ZNF732: variants seen among roughly 807,000 people sequenced by gnomAD.
ZNF732 encodes the protein zinc finger protein LOC654254.
Under a neutral mutation model 11.5 loss-of-function variants are expected in ZNF732, and 12 were observed. That is an observed-to-expected ratio of 1.05 (90% CI 0.67 to 1.70). The LOEUF is 1.70. ZNF732 is among the 40% of genes most tolerant of loss of function. ZNF732 has a pLI of 0.00. For synonymous variants in ZNF732, 231 were observed against 236.5 expected, an observed-to-expected ratio of 0.98 and a Z score of 0.21; for missense variants, 702 against 676.9, an observed-to-expected ratio of 1.04 and a Z score of -0.41.
chr4:287,737 G>A (rs186813674), intron 3 of ZNF732, among the ~76,000 whole-genome samples: 3 of 151,902 alleles, frequency 2.0e-5, no homozygotes, highest in East Asian at 1.9e-4. Context: ...TCCGCCTCCC[G>A]GTTTCACACC....
At chr4:301,044 C>G (rs750205620) in intron 1 of ZNF732, among the ~76,000 whole-genome samples, 1 of 152,120 alleles carries the variant, frequency 6.6e-6, no homozygotes. Context: ...ACCCCATCAA[C>G]AAGTGGGCGA....
intron 1 of ZNF732, among the ~76,000 whole-genome samples, chr4:300,627 A>C (rs1720097706): frequency 6.6e-6 from 1 of 152,164 alleles, no homozygotes; most frequent in African/African-American, 2.4e-5. Flanking sequence ...CTCAGATAAA[A>C]GTTCTGTGCT....
At chr4:277,612 TGTTA>T (rs781990572) in intron 3 of ZNF732, among the ~76,000 whole-genome samples, 7 of 149,876 alleles carry the variant, frequency 4.7e-5, no homozygotes, top group Admixed American at 3.3e-4. Context: ...CAAAAAAAAA[TGTTA>T]GTGAGAATGA....
chr4:295,125 A>G (rs1450479037), intron 3 of ZNF732, among the ~76,000 whole-genome samples: 2 of 152,212 alleles, frequency 1.3e-5, no homozygotes, highest in African/African-American at 2.4e-5. Context: ...AGAGCTCCTC[A>G]ATATACACAT....
intron 3 of ZNF732, among the ~76,000 whole-genome samples, chr4:293,829 T>C (rs1719893950): frequency 6.6e-6 from 1 of 152,100 alleles, no homozygotes; most frequent in African/African-American, 2.4e-5. Context: ...ATATTAAATA[T>C]AGTTATACTA....
At chr4:303,549 G>A (rs1029380528) in intron 1 of ZNF732, among the ~76,000 whole-genome samples, 3 of 152,208 alleles carry the variant, frequency 2.0e-5, no homozygotes, top group Non-Finnish European at 4.4e-5. Context: ...TCGGGAGGTG[G>A]AGGTTGCAGT....
At position 296,170 on chromosome 4, in the gene ZNF732, G is replaced by A. The variant is rs1553842270; in HGVS notation, c.4-15C>T. 1.2e-6 allele frequency: 2 copies of A among 1,607,822 alleles called. No individual in the cohort carries two copies. Among genetic ancestry groups the A allele is most frequent in the African/African-American group, 1.3e-5 (1 of 74,370 alleles). The stretch of plus-strand genomic sequence containing the variant: ...GTTAAGAGTTCCTGAAAATATATAT[G>A]TATCAAGTGACAGAGTTCTTAATTT... On this transcript the variant is annotated splice_polypyrimidine_tract_variant and intron_variant, in intron 1 of 3. Coordinates refer to ENST00000419098, the MANE Select transcript of ZNF732 (RefSeq NM_001137608.3).
In ZNF732 at chr4:288,183, T is replaced by C. The variant is rs144272700; in HGVS notation, c.226+7255A>G. Among the ~76,000 whole-genome samples the C allele has an allele frequency of 2.3e-3, 348 of 152,328 alleles. 2 individuals carry two copies. The highest frequency in any genetic ancestry group is 8.0e-3 in the African/African-American group (332 of 41,578). On this transcript the variant is annotated intron_variant, in intron 3 of 3. Coordinates refer to ENST00000419098, the MANE Select transcript of ZNF732 (RefSeq NM_001137608.3). ...TTGTCAAACACATAATTTTTAATTTTTTTTGCTTTTGTGCTTCTTAGGTGG... is the reference window on the plus strand; with the variant it reads ...TTGTCAAACACATAATTTTTAATTTCTTTTGCTTTTGTGCTTCTTAGGTGG...
chr4:303,509 A>C (rs1720159805), intron 1 of ZNF732, among the ~76,000 whole-genome samples: 1 of 152,216 alleles, frequency 6.6e-6, no homozygotes, highest in Admixed American at 6.5e-5. Context: ...CCAGCTACTC[A>C]GGAGGCTGAG....
chr4:304,292 A>T (rs538067210), intron 1 of ZNF732, among the ~76,000 whole-genome samples: 13,510 of 148,854 alleles, frequency 0.091, 662 homozygotes, highest in Middle Eastern at 0.15. Context: ...CTTTCCTCTA[A>T]GTTCCCAGTC....
chr4:290,340 T>C (rs1218386415), intron 3 of ZNF732, among the ~76,000 whole-genome samples: 1 of 152,214 alleles, frequency 6.6e-6, no homozygotes, highest in Non-Finnish European at 1.5e-5. Flanking sequence ...AAAATAGTTC[T>C]GTAACCTCTC....
chr4:292,746 T>A (rs1212258339), intron 3 of ZNF732, among the ~76,000 whole-genome samples: 1 of 150,606 alleles, frequency 6.6e-6, no homozygotes, highest in Non-Finnish European at 1.5e-5. Context: ...GATAAAGTCA[T>A]CATAAAAAAC....
chr4:291,522 A>C (rs1323052488), intron 3 of ZNF732, among the ~76,000 whole-genome samples: 4 of 152,244 alleles, frequency 2.6e-5, no homozygotes, highest in African/African-American at 9.6e-5. Flanking sequence ...CACTAAATAC[A>C]AGATACAAAA....
Position 303,566 on chromosome 4 carries a change from A to G in ZNF732, c.3+1742T>C, listed in dbSNP as rs149501538. ...GGGAGGTGGAGGTTGCAGTGAGCCG[A>G]TATCACGGCACTGCCCTCCAGCCTG... On this transcript the variant is annotated intron_variant, in intron 1 of 3. Coordinates refer to ENST00000419098, the MANE Select transcript of ZNF732 (RefSeq NM_001137608.3). Among the ~76,000 whole-genome samples the G allele has an allele frequency of 1.2e-3, 185 of 152,346 alleles. 4 individuals carry two copies. The East Asian group carries it at 0.032, about 26-fold the overall frequency.
intron 1 of ZNF732, among the ~76,000 whole-genome samples, chr4:304,742 C>CCAGCGTAT (rs1210604677): frequency 5.3e-5 from 8 of 152,270 alleles, no homozygotes; most frequent in African/African-American, 1.4e-4. Context: ...AAAGATGCCA[C>CCAGCGTAT]TCAGGAACAG....
intron 1 of ZNF732, among the ~76,000 whole-genome samples, chr4:296,832 C>T (rs1380950870): frequency 6.6e-6 from 1 of 152,120 alleles, no homozygotes; most frequent in Non-Finnish European, 1.5e-5. Flanking sequence ...TCCCTTACCC[C>T]AACACCCTTA....
intron 3 of ZNF732, among the ~76,000 whole-genome samples, chr4:280,820 A>G (rs1393624639): frequency 1.3e-5 from 2 of 152,148 alleles, no homozygotes; most frequent in African/African-American, 4.8e-5. Flanking sequence ...ATCTGCAAAG[A>G]CACCTAGGAG....
At chr4:288,168 C>T (rs1444961782) in intron 3 of ZNF732, among the ~76,000 whole-genome samples, 1 of 152,068 alleles carries the variant, frequency 6.6e-6, no homozygotes, top group Non-Finnish European at 1.5e-5. Flanking sequence ...TTGTCAAACA[C>T]ATAATTTTTA....
At chr4:299,493 G>GTATA (rs782230464) in intron 1 of ZNF732, among the ~76,000 whole-genome samples, 3 of 99,228 alleles carry the variant, frequency 3.0e-5, no homozygotes, top group Non-Finnish European at 5.8e-5. Flanking sequence ...ACACATATGT[G>GTATA]TGTATATATA....
Sources: allele counts gnomAD v4.1 joint callset (sites outside exome capture counted in the v4.1 genomes callset), GRCh38; gene constraint gnomAD v4.1.1; transcripts MANE v1.5; gene names NCBI Gene and HGNC (gene_info 2026-07-23, HGNC 2026-07-21).